UGT1A3: variants seen among roughly 807,000 people sequenced by gnomAD.
UGT1A3 encodes UDP-glucuronosyltransferase 1A3.
In UGT1A3, 31 loss-of-function variants were observed where a neutral mutation model predicts 41.0. The observed-to-expected ratio is 0.76, with a 90% CI of 0.57 to 1.02. The LOEUF (loss-of-function observed/expected upper bound fraction) is 1.02, where lower values mean the gene tolerates loss of function less well. Among genes scored for constraint, UGT1A3 ranks in the 50% least tolerant of loss-of-function variants. The pLI is 0.00. For synonymous variants in UGT1A3, 262 were observed against 257.6 expected, an observed-to-expected ratio of 1.02 and a Z score of -0.17; for missense variants, 737 against 671.0, an observed-to-expected ratio of 1.10 and a Z score of -1.09.
At chr2:233,758,796 A>T (rs1025400084) in intron 1 of UGT1A3, among the ~76,000 whole-genome samples, 2 of 152,214 alleles carry the variant, frequency 1.3e-5, no homozygotes, top group African/African-American at 4.8e-5. Flanking sequence ...GTTATCTTGG[A>T]ATTGTATAGT....
intron 1 of UGT1A3, chr2:233,743,913 C>T: frequency 7.3e-7 from 1 of 1,365,508 alleles, no homozygotes; most frequent in South Asian, 1.1e-5. Flanking sequence ...TAGTAGTCCA[C>T]CATGCTGGAT....
intron 1 of UGT1A3, among the ~76,000 whole-genome samples, chr2:233,731,284 CTTT>C (rs78127606): frequency 7.2e-6 from 1 of 139,768 alleles, no homozygotes. Flanking sequence ...GTTTTTCTTT[CTTT>C]TTTTTTTTTT....
At chr2:233,730,104 T>G in intron 1 of UGT1A3, 111 bp downstream of exon 1, 1 of 1,577,736 alleles carries the variant, frequency 6.3e-7, no homozygotes, top group Non-Finnish European at 8.6e-7. Flanking sequence ...ATATTTCATT[T>G]CTGCTTCTCC....
chr2:233,754,950 C>T lies in UGT1A3; in HGVS notation c.868-12084C>T, dbSNP rs186689116. ...CAAGAGGTCAAAGGAGAATGGGTCC[C>T]GGCCGCCAAAGAACTCCCTGAAGAC... On this transcript the variant is annotated intron_variant, in intron 1 of 4. Transcript: ENST00000482026. The T allele has an allele frequency of 1.7e-3, 2,306 of 1,324,608 alleles. 28 individuals carry two copies. In the African/African-American group the frequency reaches 0.028, roughly 16 times the overall value. The allele number at this position is 1,324,608 out of a possible 1,614,324, so 82.1% of individuals were successfully genotyped here.
At chr2:233,766,869 G>A (rs1460136088) in intron 1 of UGT1A3, among the ~76,000 whole-genome samples, 165 bp from the exon 2 acceptor site, 1 of 152,162 alleles carries the variant, frequency 6.6e-6, no homozygotes, top group African/African-American at 2.4e-5. Context: ...GTAAAGGAGA[G>A]GAAAATGCTG....
At chr2:233,764,775 G>T (rs1470259138) in intron 1 of UGT1A3, among the ~76,000 whole-genome samples, 1 of 152,162 alleles carries the variant, frequency 6.6e-6, no homozygotes, top group Non-Finnish European at 1.5e-5. Flanking sequence ...AAGGAGTTCA[G>T]AAAAACCATC....
At chr2:233,733,279 T>C (rs2078376954) in intron 1 of UGT1A3, among the ~76,000 whole-genome samples, 1 of 152,208 alleles carries the variant, frequency 6.6e-6, no homozygotes, top group Non-Finnish European at 1.5e-5. Flanking sequence ...CTTCCTCTTT[T>C]CCTAATTGAA....
At chr2:233,763,328 G>T (rs1698281248) in intron 1 of UGT1A3, among the ~76,000 whole-genome samples, 1 of 152,072 alleles carries the variant, frequency 6.6e-6, no homozygotes, top group African/African-American at 2.4e-5. Context: ...TATTATTTTT[G>T]TTTACATTTC....
At chr2:233,746,445 G>GA (rs776336389) in intron 1 of UGT1A3, among the ~76,000 whole-genome samples, 23 of 151,700 alleles carry the variant, frequency 1.5e-4, no homozygotes, top group Non-Finnish European at 2.9e-4. Flanking sequence ...AGCTTAAAAA[G>GA]AAAGTACCTT....
chr2:233,751,725 C>G (rs1174648123), intron 1 of UGT1A3, among the ~76,000 whole-genome samples: 1 of 152,184 alleles, frequency 6.6e-6, no homozygotes, highest in African/African-American at 2.4e-5. Context: ...CAAGTGAACT[C>G]TTCCTCTCTG....
At chr2:233,754,857 G>A (rs184077420) in intron 1 of UGT1A3, 3 of 1,349,946 alleles carry the variant, frequency 2.2e-6, no homozygotes, top group East Asian at 9.1e-5. Flanking sequence ...GAAAAGGGGT[G>A]CAGACCCTCT....
In UGT1A3 at chr2:233,772,467, T is replaced by G; in HGVS notation, c.1513T>G (p.Phe505Val). The G allele has an allele frequency of 6.8e-6, 11 of 1,614,156 alleles. No individual in the cohort carries two copies. The highest frequency in any genetic ancestry group is 9.3e-6 in the Non-Finnish European group (11 of 1,180,034). Residue 505 changes from phenylalanine (F) to valine (V), a missense_variant, in exon 5 of 5, where the codon TTC becomes GTC. Coordinates refer to ENST00000482026, the MANE Select transcript of UGT1A3 (RefSeq NM_019093.4). Reference sequence around the variant, plus strand: ...CTTGGCCGTCGTGCTGACAGTGGCCTTCATCACCTTTAAATGTTGTGCTTA... The same window carrying G: ...CTTGGCCGTCGTGCTGACAGTGGCCGTCATCACCTTTAAATGTTGTGCTTA... ...FLLAVVLTVA[F>V]ITFKCCAYGY...
Position 233,743,192 on chromosome 2 carries a change from T to C in UGT1A3, c.867+13199T>C, listed in dbSNP as rs560095677. ...AAAGTCAAATGTGGACTGGAATTAC[T>C]TGGTGTCAATGCGGAGTAACTGCTC... On this transcript the variant is annotated intron_variant, in intron 1 of 4. Coordinates refer to ENST00000482026, the MANE Select transcript of UGT1A3 (RefSeq NM_019093.4). The C allele has an allele frequency of 2.2e-3, 846 of 376,748 alleles. 20 individuals carry two copies. The highest frequency in any genetic ancestry group is 0.016 in the South Asian group (827 of 50,812). 23.3% of individuals were successfully genotyped at this position (376,748 alleles called of 1,614,324 possible). A position where few individuals can be genotyped will look rare whatever the true frequency, so the allele number is the denominator to read the frequency against.
chr2:233,769,433 A>G lies in UGT1A3; in HGVS notation c.1307+994A>G. The G allele has an allele frequency of 6.5e-7, 1 of 1,549,602 alleles. No homozygotes were observed. Among genetic ancestry groups the G allele is most frequent in the Non-Finnish European group, 8.9e-7 (1 of 1,128,216 alleles). ...TGCGTTTGTGCATGTGGCTGTGCTC[A>G]TGTGTGGGTGCACACGTGTGCATTC... is the stretch of plus-strand genomic sequence containing the variant. On this transcript the variant is annotated intron_variant, in intron 4 of 4. Coordinates refer to ENST00000482026, the MANE Select transcript of UGT1A3 (RefSeq NM_019093.4). This position sits in a 1 kb window ranked among gnomAD's most constrained non-coding sequence, Gnocchi z 4.4.
intron 1 of UGT1A3, chr2:233,747,330 C>A (rs896598113): frequency 4.4e-6 from 7 of 1,603,408 alleles, no homozygotes; most frequent in Non-Finnish European, 6.0e-6. Context: ...TTGATGGCAG[C>A]CACTGGCTCG....
At chr2:233,743,515 C>G in intron 1 of UGT1A3, 2 of 1,367,292 alleles carry the variant, frequency 1.5e-6, no homozygotes, top group African/African-American at 1.5e-5. Flanking sequence ...AGACGCTCTG[C>G]TTCTGCTTCC....
chr2:233,769,809 C>A lies in UGT1A3; in HGVS notation c.1307+1370C>A. On this transcript the variant is annotated intron_variant, in intron 4 of 4. Transcript: ENST00000482026. This position sits in a 1 kb window ranked among gnomAD's most constrained non-coding sequence, Gnocchi z 4.4. Reference sequence around the variant, plus strand: ...GTTGGAGGCTGCTATGAGCCGTGATCATGCCACTGCACTCCAGCAACCTGG... The same window carrying A: ...GTTGGAGGCTGCTATGAGCCGTGATAATGCCACTGCACTCCAGCAACCTGG... 4.2e-6 allele frequency: 4 copies of A among 962,960 alleles called. No homozygotes were observed. The highest frequency in any genetic ancestry group is 3.0e-5 in the East Asian group (1 of 33,100). 59.7% of individuals were successfully genotyped at this position (962,960 alleles called of 1,614,324 possible). A position where few individuals can be genotyped will look rare whatever the true frequency, so the allele number is the denominator to read the frequency against.
intron 1 of UGT1A3, among the ~76,000 whole-genome samples, chr2:233,751,605 T>G (rs1030087764): frequency 2.0e-5 from 3 of 152,194 alleles, no homozygotes; most frequent in African/African-American, 7.2e-5. Flanking sequence ...TGGGACCTGG[T>G]GGGAGGTGAT....
chr2:233,760,187 A>G, intron 1 of UGT1A3: 1 of 1,561,346 alleles, frequency 6.4e-7, no homozygotes, highest in East Asian at 2.3e-5. Flanking sequence ...TTTTATAGTC[A>G]CGTGACACAG....
Sources: allele counts gnomAD v4.1 joint callset (sites outside exome capture counted in the v4.1 genomes callset), GRCh38; gene constraint gnomAD v4.1.1; non-coding constraint Gnocchi (gnomAD v3.1); transcripts MANE v1.5; gene names NCBI Gene and HGNC (gene_info 2026-07-23, HGNC 2026-07-21).